Variants in C13orf46 observed in about 807,000 individuals in gnomAD.
C13orf46 encodes the protein chromosome 13 open reading frame 46.
chr13:113,956,876 G>C (rs1432996214), intron 6 of C13orf46, 37 bp from the exon 7 acceptor site: 1 of 152,368 alleles, frequency 6.6e-6, no homozygotes, highest in Non-Finnish European at 1.5e-5. Flanking sequence ...GTGAGAAAGG[G>C]TCCTGGGCCA....
At chr13:113,931,487 C>G in the C13orf46 span, among the ~76,000 whole-genome samples, 2 of 152,208 alleles carry the variant, frequency 1.3e-5, no homozygotes, top group African/African-American at 2.4e-5. Flanking sequence ...ACACCCCTCC[C>G]TTGGCGGGGA....
At chr13:113,941,494 G>A in the C13orf46 span, among the ~76,000 whole-genome samples, 1 of 150,528 alleles carries the variant, frequency 6.6e-6, no homozygotes, top group East Asian at 2.0e-4. Context: ...GTGAGGCTGA[G>A]CGTTCGAGAC....
chr13:113,937,342 G>T, the C13orf46 span, among the ~76,000 whole-genome samples: 1 of 152,186 alleles, frequency 6.6e-6, no homozygotes, highest in Non-Finnish European at 1.5e-5. Flanking sequence ...GCCACGTATG[G>T]CTCCTACAAT....
chr13:113,937,583 A>G, the C13orf46 span, among the ~76,000 whole-genome samples: 25 of 152,290 alleles, frequency 1.6e-4, no homozygotes, highest in East Asian at 4.4e-3. Flanking sequence ...TTCAGGACGC[A>G]CCTGTGACAC....
intron 1 of C13orf46, among the ~76,000 whole-genome samples, chr13:113,971,549 G>A (rs758932696): frequency 1.2e-4 from 18 of 152,214 alleles, no homozygotes; most frequent in African/African-American, 4.1e-4. Flanking sequence ...TGCTCTTGCC[G>A]GCCTCTCTGG....
intron 6 of C13orf46, among the ~76,000 whole-genome samples, chr13:113,963,516 G>T (rs1326464046): frequency 1.8e-5 from 2 of 112,346 alleles, no homozygotes; most frequent in Admixed American, 1.9e-4. Context: ...CCTCAGCCTC[G>T]CCCCTGTCCT....
At chr13:113,942,605 G>A in the C13orf46 span, among the ~76,000 whole-genome samples, 2,950 of 152,270 alleles carry the variant, frequency 0.019, 59 homozygotes, top group Middle Eastern at 0.054. Context: ...GAGAACACGA[G>A]ACAGCAAAAT....
intron 5 of C13orf46, among the ~76,000 whole-genome samples, chr13:113,966,625 GTGA>G (rs1271801672): frequency 0.014 from 2,181 of 151,626 alleles, 47 homozygotes; most frequent in African/African-American, 0.05. Flanking sequence ...GGTCATGATA[GTGA>G]TGATGATGAT....
chr13:113,935,615 C>T, the C13orf46 span, among the ~76,000 whole-genome samples: 1 of 152,228 alleles, frequency 6.6e-6, no homozygotes, highest in African/African-American at 2.4e-5. Flanking sequence ...CTTGACATCT[C>T]CCTGGAAGGG....
the C13orf46 span, among the ~76,000 whole-genome samples, chr13:113,935,774 G>T: frequency 6.6e-6 from 1 of 152,176 alleles, no homozygotes; most frequent in Non-Finnish European, 1.5e-5. Context: ...CTCCCAGCCC[G>T]CCAGCCACCG....
chr13:113,962,922 G>A (rs1334298438), intron 6 of C13orf46, among the ~76,000 whole-genome samples: 1 of 152,210 alleles, frequency 6.6e-6, no homozygotes, highest in Non-Finnish European at 1.5e-5. Flanking sequence ...GGTGTGACCT[G>A]GTTACGGTAG....
the C13orf46 span, among the ~76,000 whole-genome samples, chr13:113,945,599 A>G: frequency 0.047 from 5,420 of 115,084 alleles, 128 homozygotes; most frequent in Middle Eastern, 0.085. Context: ...GAGAGAAAGA[A>G]AGAAAGAAGA....
At chr13:113,935,703 C>T in the C13orf46 span, among the ~76,000 whole-genome samples, 4 of 152,192 alleles carry the variant, frequency 2.6e-5, no homozygotes, top group African/African-American at 9.7e-5. Context: ...CATACGTGCC[C>T]TTAGGGTGGG....
chr13:113,928,039 G>A, the C13orf46 span: 38 of 172,602 alleles, frequency 2.2e-4, no homozygotes, highest in South Asian at 7.2e-3. Context: ...GAAAAGCATC[G>A]CGTCCTCCAG....
downstream of C13orf46, among the ~76,000 whole-genome samples, chr13:113,950,631 C>G (rs1326811107): frequency 6.6e-6 from 1 of 152,230 alleles, no homozygotes; most frequent in African/African-American, 2.4e-5. Context: ...AGCATTGCAA[C>G]ACGGAGAGTT....
At chr13:113,941,594 C>T in the C13orf46 span, among the ~76,000 whole-genome samples, 1 of 152,260 alleles carries the variant, frequency 6.6e-6, no homozygotes, top group African/African-American at 2.4e-5. Context: ...CGTCTGAGAC[C>T]CAGGAACGTG....
the C13orf46 span, among the ~76,000 whole-genome samples, chr13:113,938,315 C>A: frequency 6.6e-6 from 1 of 152,204 alleles, no homozygotes; most frequent in Non-Finnish European, 1.5e-5. Flanking sequence ...AATGTATTAT[C>A]TTACAGTCCT....
intron 6 of C13orf46, among the ~76,000 whole-genome samples, 162 bp from the exon 7 acceptor site, chr13:113,957,001 CT>C (rs1274316889): frequency 2.6e-5 from 4 of 152,098 alleles, no homozygotes; most frequent in African/African-American, 7.2e-5. Context: ...GGAGTCTCCC[CT>C]GTACCTGCAT....
At chr13:113,936,507 C>T in the C13orf46 span, among the ~76,000 whole-genome samples, 24 of 152,216 alleles carry the variant, frequency 1.6e-4, no homozygotes, top group African/African-American at 5.3e-4. Flanking sequence ...CCCTTCCTCC[C>T]AGCACAGCCC....
Sources: gnomAD v4.1 joint callset for allele counts (sites outside exome capture counted in the v4.1 genomes callset) on GRCh38, gnomAD v4.1.1 for gene constraint, MANE v1.5 for transcripts, NCBI Gene and HGNC (gene_info 2026-07-23, HGNC 2026-07-21) for gene names.